The following PDE3B variants were observed in gnomAD, a reference collection of about 807,000 sequenced individuals.
The protein encoded by PDE3B is phosphodiesterase 3B.
In PDE3B, 66 loss-of-function variants were observed where a neutral mutation model predicts 116.8. That is an observed-to-expected ratio of 0.56 (90% CI 0.46 to 0.69). The LOEUF (loss-of-function observed/expected upper bound fraction) is 0.69. Ranked by LOEUF, PDE3B falls within the 30% of genes least tolerant of loss-of-function variation. The probability of loss-of-function intolerance (pLI) is 0.00; values close to 1 mark genes in which losing one functional copy is unlikely to be tolerated. For synonymous variants in PDE3B, 595 were observed against 533.6 expected (o/e 1.12, Z -1.59); for missense variants, 1,384 against 1,368.1 (o/e 1.01, Z -0.18).
chr11:14,647,911 C>T (rs920506317), intron 1 of PDE3B, among the ~76,000 whole-genome samples: 1 of 147,450 alleles, frequency 6.8e-6, no homozygotes, highest in African/African-American at 2.5e-5. Flanking sequence ...TGTATCAGTT[C>T]AGTTCTTAAC....
At chr11:14,805,891 A>G (rs758076663) in intron 5 of PDE3B, among the ~76,000 whole-genome samples, 3 of 152,258 alleles carry the variant, frequency 2.0e-5, no homozygotes, top group Non-Finnish European at 4.4e-5. Context: ...ATAGGAAAAA[A>G]TGCTCATTAT....
At chr11:14,836,924 C>T (rs1322925705) in intron 11 of PDE3B, among the ~76,000 whole-genome samples, 2 of 152,230 alleles carry the variant, frequency 1.3e-5, no homozygotes, top group Admixed American at 6.5e-5. Flanking sequence ...AGCAATTCTC[C>T]TGCCTCAGTC....
chr11:14,658,769 C>G (rs962503810), intron 1 of PDE3B, among the ~76,000 whole-genome samples: 5 of 152,214 alleles, frequency 3.3e-5, no homozygotes, highest in African/African-American at 1.2e-4. Flanking sequence ...AATCAAGTCA[C>G]TTATTTCTGT....
At chr11:14,808,656 A>G (rs934730298) in intron 5 of PDE3B, among the ~76,000 whole-genome samples, 3 of 103,730 alleles carry the variant, frequency 2.9e-5, no homozygotes, top group African/African-American at 1.1e-4. Flanking sequence ...ATTCACTGAA[A>G]CCTATTATCA....
In PDE3B at chr11:14,837,048, A is replaced by G. The variant is rs546597489; in HGVS notation, c.2320+1953A>G. On this transcript the variant is annotated intron_variant, in intron 11 of 15. Coordinates refer to ENST00000282096, the MANE Select transcript of PDE3B (RefSeq NM_000922.4). ...AGGCTGGTCTGGAACTCCTGAGCTC[A>G]GGCAATCCGCCCACCTCAGCCTCTC... is the stretch of plus-strand genomic sequence containing the variant. Among the ~76,000 whole-genome samples, 18 of 152,350 alleles carry G rather than the reference A, an allele frequency of 1.2e-4. No individual in the cohort carries two copies. In the South Asian group the frequency reaches 3.5e-3, roughly 30 times the overall value.
At chr11:14,842,569 A>C (rs375892935) in intron 11 of PDE3B, among the ~76,000 whole-genome samples, 1 of 152,148 alleles carries the variant, frequency 6.6e-6, no homozygotes, top group African/African-American at 2.4e-5. Context: ...TTTGCTTTTT[A>C]TAATTATTTA....
intron 1 of PDE3B, among the ~76,000 whole-genome samples, chr11:14,740,235 C>CT: frequency 6.6e-6 from 1 of 152,026 alleles, no homozygotes; most frequent in East Asian, 1.9e-4. Context: ...TGGTCCTGGA[C>CT]TTTTTTTGGT....
At chr11:14,665,050 A>T (rs1854084246) in intron 1 of PDE3B, among the ~76,000 whole-genome samples, 1 of 152,220 alleles carries the variant, frequency 6.6e-6, no homozygotes, top group African/African-American at 2.4e-5. Context: ...CCAGCAGCAC[A>T]TCAAAAAGCT....
chr11:14,836,407 T>G (rs1860055800), intron 11 of PDE3B, among the ~76,000 whole-genome samples: 1 of 152,174 alleles, frequency 6.6e-6, no homozygotes, highest in South Asian at 2.1e-4. Flanking sequence ...GTAATTTTTT[T>G]TTGTATTAAT....
downstream of PDE3B, among the ~76,000 whole-genome samples, chr11:14,875,231 T>TGAA (rs1162663486): frequency 6.6e-6 from 1 of 152,150 alleles, no homozygotes; most frequent in Non-Finnish European, 1.5e-5. Context: ...AGCTATCCCG[T>TGAA]GAAGAATGGG....
At chr11:14,892,231 C>T in the PDE3B span, 12 of 1,600,476 alleles carry the variant, frequency 7.5e-6, no homozygotes, top group South Asian at 1.3e-4. Flanking sequence ...GTGCGAACTC[C>T]ACAGCAGCCC....
At chr11:14,706,098 C>T (rs1180467944) in intron 1 of PDE3B, among the ~76,000 whole-genome samples, 3 of 151,548 alleles carry the variant, frequency 2.0e-5, no homozygotes. Flanking sequence ...AACCTACCTT[C>T]CTTTTTACCT....
At chr11:14,864,510 C>T (rs1848008157) in intron 14 of PDE3B, among the ~76,000 whole-genome samples, 1 of 152,186 alleles carries the variant, frequency 6.6e-6, no homozygotes, top group East Asian at 1.9e-4. Context: ...TTCTTCTCAG[C>T]ACCACATCGC....
intron 2 of PDE3B, among the ~76,000 whole-genome samples, chr11:14,779,219 A>G (rs1347599327): frequency 6.6e-6 from 1 of 152,220 alleles, no homozygotes; most frequent in African/African-American, 2.4e-5. Context: ...GACGGGGAGA[A>G]TGGAACCAAG....
intron 1 of PDE3B, among the ~76,000 whole-genome samples, chr11:14,669,730 C>A (rs931980542): frequency 1.3e-5 from 2 of 151,568 alleles, no homozygotes; most frequent in African/African-American, 4.9e-5. Flanking sequence ...TCTGTCCTTG[C>A]GATAGCACTA....
chr11:14,885,028 T>C, the PDE3B span, among the ~76,000 whole-genome samples: 1 of 152,324 alleles, frequency 6.6e-6, no homozygotes, highest in Non-Finnish European at 1.5e-5. Flanking sequence ...TGATGTAATA[T>C]AGGATTTTAA....
intron 11 of PDE3B, 61 bp downstream of exon 11, chr11:14,835,156 A>C (rs2133966186): frequency 7.8e-4 from 788 of 1,004,612 alleles, no homozygotes; most frequent in Non-Finnish European, 1.1e-3. Context: ...AAGCTTTCTC[A>C]TTTCATTACC....
At chr11:14,856,356 A>T (rs1283504376) in intron 12 of PDE3B, among the ~76,000 whole-genome samples, 1 of 152,208 alleles carries the variant, frequency 6.6e-6, no homozygotes, top group East Asian at 1.9e-4. Flanking sequence ...CACAGAAAAG[A>T]ACAAACCGAG....
At chr11:14,829,985 G>A (rs534186960) in intron 7 of PDE3B, among the ~76,000 whole-genome samples, 8 of 152,182 alleles carry the variant, frequency 5.3e-5, no homozygotes, top group African/African-American at 1.9e-4. Context: ...GAGAATCAGA[G>A]AGTATATACT....
Sources: allele counts gnomAD v4.1 joint callset (sites outside exome capture counted in the v4.1 genomes callset), GRCh38; gene constraint gnomAD v4.1.1; transcripts MANE v1.5; gene names NCBI Gene and HGNC (gene_info 2026-07-23, HGNC 2026-07-21).